The following KDM2B variants were observed in gnomAD, a reference collection of about 807,000 sequenced individuals.
KDM2B encodes the protein lysine demethylase 2B, also known as lysine-specific demethylase 2B.
In KDM2B, 26 loss-of-function variants were observed where a neutral mutation model predicts 150.0. The ratio of observed to expected loss-of-function variants is 0.17; its 90% CI spans 0.13 to 0.24. KDM2B has a LOEUF of 0.24. KDM2B is among the 10% of genes least tolerant of loss of function. KDM2B has a pLI of 1.00. For missense variants in KDM2B, 1,265 were observed against 1,816.9 expected (o/e 0.70, Z 5.52); for synonymous variants, 734 against 729.5 (o/e 1.01, Z -0.10).
chr12:121,535,431 C>G (rs1245344034), intron 6 of KDM2B, among the ~76,000 whole-genome samples: 1 of 152,092 alleles, frequency 6.6e-6, no homozygotes, highest in Non-Finnish European at 1.5e-5. Flanking sequence ...TGGGGAATGA[C>G]TGCTAATGGG....
At chr12:121,441,262 G>A (rs368211926) in intron 19 of KDM2B, 29 bp from the exon 20 acceptor site, 35 of 1,607,730 alleles carry the variant, frequency 2.2e-5, no homozygotes, top group Admixed American at 1.3e-4. Flanking sequence ...GGGACACATC[G>A]TCAGAGGTGG....
At position 121,443,800 on chromosome 12, in the gene KDM2B, G is replaced by C. The variant is rs201930981; in HGVS notation, c.2452-7C>G. 301 of 1,548,560 alleles carry C rather than the reference G, an allele frequency of 1.9e-4. 4 individuals carry two copies. In the East Asian group the frequency reaches 5.0e-3, roughly 26 times the overall value. On this transcript the variant is annotated splice_region_variant and splice_polypyrimidine_tract_variant and intron_variant, in intron 16 of 22. Coordinates refer to ENST00000377071, the MANE Select transcript of KDM2B (RefSeq NM_032590.5). ...ACGTTTGAAGCGATGAGGCCTAAAG[G>C]GGGGTGGAGTGGGAAGAGGAGTGAC...
chr12:121,536,171 G>C (rs1888078811), intron 6 of KDM2B: 11 of 872,666 alleles, frequency 1.3e-5, no homozygotes, highest in African/African-American at 1.8e-5. Context: ...GAGGGCTCCT[G>C]GTGCCCCCTC....
chr12:121,427,704 C>A (rs1555284435), downstream of KDM2B, among the ~76,000 whole-genome samples: 1 of 142,614 alleles, frequency 7.0e-6, no homozygotes, highest in African/African-American at 2.4e-5. Flanking sequence ...ATTGCACATC[C>A]ATGTGGTGGC....
intron 12 of KDM2B, among the ~76,000 whole-genome samples, chr12:121,459,321 C>A (rs74452478): frequency 0.054 from 8,247 of 152,180 alleles, 301 homozygotes; most frequent in Middle Eastern, 0.11. Context: ...GAATAGCTAT[C>A]CACAAGCAAA....
At chr12:121,565,146 T>C (rs1555314630) in intron 4 of KDM2B, among the ~76,000 whole-genome samples, 1 of 151,792 alleles carries the variant, frequency 6.6e-6, no homozygotes, top group Non-Finnish European at 1.5e-5. Flanking sequence ...AAAGGAAATC[T>C]TGGAAAAGAA....
At chr12:121,483,733 AC>A (rs1882423183) in intron 12 of KDM2B, among the ~76,000 whole-genome samples, 1 of 151,988 alleles carries the variant, frequency 6.6e-6, no homozygotes, top group Admixed American at 6.6e-5. Flanking sequence ...ACACACACAC[AC>A]ACAAACACAA....
intron 8 of KDM2B, among the ~76,000 whole-genome samples, chr12:121,522,424 G>A (rs1248570596): frequency 6.6e-6 from 1 of 151,608 alleles, no homozygotes; most frequent in Non-Finnish European, 1.5e-5. Flanking sequence ...CTGAGGCAGG[G>A]GAATCGCTTG....
At chr12:121,441,588 C>A (rs1875061568) in intron 19 of KDM2B, among the ~76,000 whole-genome samples, 1 of 152,146 alleles carries the variant, frequency 6.6e-6, no homozygotes, top group African/African-American at 2.4e-5. Flanking sequence ...AGGTGTGCGC[C>A]ACCACACCCG....
At chr12:121,456,955 G>GC (rs1233248030) in intron 12 of KDM2B, among the ~76,000 whole-genome samples, 8 of 152,156 alleles carry the variant, frequency 5.3e-5, no homozygotes, top group Admixed American at 3.3e-4. Flanking sequence ...GCCGGCAGTG[G>GC]CCCCCGCCTG....
chr12:121,440,994 A>G lies in KDM2B; in HGVS notation c.3449-17T>C. On this transcript the variant is annotated splice_polypyrimidine_tract_variant and intron_variant, in intron 20 of 22. Coordinates refer to ENST00000377071, the MANE Select transcript of KDM2B (RefSeq NM_032590.5). The stretch of plus-strand genomic sequence containing the variant: ...CCCGGAGCCCTGGGGGGACATAGAA[A>G]AGGGTGAAGGTCAGGGGATGTGTCC... The G allele has an allele frequency of 1.9e-6, 3 of 1,612,956 alleles. No homozygotes were observed. Among genetic ancestry groups the G allele is most frequent in the Non-Finnish European group, 2.5e-6 (3 of 1,179,212 alleles).
rs1880381515 is a variant in KDM2B, at chr12:121,468,587, A to AGCCATGATC, written c.1735-15244_1735-15243insGATCATGGC. The AGCCATGATC allele has an allele frequency of 1.3e-5, 2 of 152,290 alleles. No individual in the cohort carries two copies. Among genetic ancestry groups the AGCCATGATC allele is most frequent in the African/African-American group, 2.4e-5 (1 of 41,468 alleles). 9.4% of individuals were successfully genotyped at this position (152,290 alleles called of 1,614,324 possible). ...AAGATCAGAGGCTTTCCCAAGAATAAGCCATGAAATCAGGTGATCAGCTCT... is the reference window on the plus strand; with the variant it reads ...AAGATCAGAGGCTTTCCCAAGAATAAGCCATGATCGCCATGAAATCAGGTGATCAGCTCT... On this transcript the variant is annotated intron_variant, in intron 12 of 22. Transcript: ENST00000377071. This position sits in a 1 kb window ranked among gnomAD's most constrained non-coding sequence, Gnocchi z 4.0.
At chr12:121,484,494 G>A (rs2140123657) in intron 12 of KDM2B, among the ~76,000 whole-genome samples, 1 of 152,292 alleles carries the variant, frequency 6.6e-6, no homozygotes, top group African/African-American at 2.4e-5. Flanking sequence ...GGGCACTCAA[G>A]GCCAGGCTGA....
chr12:121,529,853 C>A (rs1346307230), intron 8 of KDM2B, among the ~76,000 whole-genome samples: 2 of 150,622 alleles, frequency 1.3e-5, no homozygotes, highest in Non-Finnish European at 3.0e-5. Context: ...TCGCTTGAAC[C>A]CGGGAGGCGG....
At chr12:121,441,310 C>T (rs1555288231) in intron 19 of KDM2B, 77 bp from the exon 20 acceptor site, 6 of 1,377,828 alleles carry the variant, frequency 4.4e-6, no homozygotes, top group Admixed American at 3.9e-5. Context: ...TCTTAACTGT[C>T]CCCACCTAAC....
At chr12:121,473,341 G>A (rs988883438) in intron 12 of KDM2B, among the ~76,000 whole-genome samples, 3 of 148,992 alleles carry the variant, frequency 2.0e-5, no homozygotes, top group Non-Finnish European at 3.0e-5. Context: ...GCAGTGAGCC[G>A]AGATGGCACC....
intron 10 of KDM2B, among the ~76,000 whole-genome samples, chr12:121,510,712 G>C (rs782540670): frequency 4.6e-5 from 7 of 151,974 alleles, no homozygotes; most frequent in Non-Finnish European, 1.0e-4. Context: ...AGGATCACTT[G>C]AGCCTGGGAG....
At chr12:121,563,290 G>A (rs1890470285) in intron 4 of KDM2B, among the ~76,000 whole-genome samples, 1 of 152,022 alleles carries the variant, frequency 6.6e-6, no homozygotes, top group Admixed American at 6.6e-5. Context: ...CTGGGCGACA[G>A]AGTGAGATGC....
intron 21 of KDM2B, 32 bp downstream of exon 21, chr12:121,440,784 C>A (rs199995335): frequency 6.3e-7 from 1 of 1,578,468 alleles, no homozygotes. Flanking sequence ...GCTCACCCCA[C>A]CCCCACAGAA....
Sources: gnomAD v4.1 joint callset for allele counts (sites outside exome capture counted in the v4.1 genomes callset) on GRCh38, gnomAD v4.1.1 for gene constraint, Gnocchi (gnomAD v3.1) non-coding constraint, MANE v1.5 for transcripts, NCBI Gene and HGNC (gene_info 2026-07-23, HGNC 2026-07-21) for gene names.